The following TMEM108 variants were observed in gnomAD, a reference collection of about 807,000 sequenced individuals.
The protein encoded by TMEM108 is cancer/testis antigen 124.
In TMEM108, 12 loss-of-function variants were observed where a neutral mutation model predicts 35.1. The observed-to-expected ratio is 0.34, with a 90% CI of 0.22 to 0.55. TMEM108 has a LOEUF of 0.55. Among genes scored for constraint, TMEM108 ranks in the 20% least tolerant of loss-of-function variants. The pLI is 0.89. For synonymous variants in TMEM108, 287 were observed against 308.6 expected, an observed-to-expected ratio of 0.93 and a Z score of 0.73; for missense variants, 680 against 753.3, an observed-to-expected ratio of 0.90 and a Z score of 1.14.
intron 3 of TMEM108, among the ~76,000 whole-genome samples, chr3:133,233,310 A>G (rs34609247): frequency 0.016 from 2,382 of 152,186 alleles, 29 homozygotes; most frequent in Non-Finnish European, 0.027. Context: ...TGTTCTTGCA[A>G]TAGTTTACTG....
At chr3:133,056,117 T>C (rs1233101729) in intron 2 of TMEM108, among the ~76,000 whole-genome samples, 2 of 152,178 alleles carry the variant, frequency 1.3e-5, no homozygotes, top group Non-Finnish European at 2.9e-5. Flanking sequence ...AATTCTTATA[T>C]CTTTATTTTA....
chr3:133,307,342 A>G (rs2071056139), intron 3 of TMEM108, among the ~76,000 whole-genome samples: 1 of 152,096 alleles, frequency 6.6e-6, no homozygotes, highest in East Asian at 1.9e-4. Context: ...CTCTGATGGT[A>G]GTTTCTTTGC....
intron 2 of TMEM108, among the ~76,000 whole-genome samples, chr3:133,073,535 TCACATTTTCTTTATCC>T (rs1943704683): frequency 7.2e-6 from 1 of 138,834 alleles, no homozygotes; most frequent in African/African-American, 2.7e-5. Flanking sequence ...TATATATATA[TCACATTTTCTTTATCC>T]ATTTATCTGT....
intron 2 of TMEM108, among the ~76,000 whole-genome samples, chr3:133,179,059 T>G (rs1362326820): frequency 1.3e-5 from 2 of 152,116 alleles, no homozygotes; most frequent in Middle Eastern, 3.2e-3. Flanking sequence ...GAAAAAATGC[T>G]CATCATCACT....
chr3:133,090,188 T>C (rs1943931228), intron 2 of TMEM108, among the ~76,000 whole-genome samples: 1 of 152,208 alleles, frequency 6.6e-6, no homozygotes, highest in Admixed American at 6.5e-5. Flanking sequence ...ATGTAGATTG[T>C]CACTGTAGGA....
chr3:133,244,722 G>A (rs1169338789), intron 3 of TMEM108, among the ~76,000 whole-genome samples: 1 of 152,186 alleles, frequency 6.6e-6, no homozygotes, highest in Non-Finnish European at 1.5e-5. Context: ...ATTTCCCGAA[G>A]TTCAAGGAAT....
chr3:133,207,019 G>T (rs1436019835), intron 2 of TMEM108, among the ~76,000 whole-genome samples: 1 of 152,200 alleles, frequency 6.6e-6, no homozygotes, highest in African/African-American at 2.4e-5. Context: ...AGGAATCTAG[G>T]GAGGCAGTCT....
chr3:133,387,685 G>A, intron 4 of TMEM108: 1 of 639,932 alleles, frequency 1.6e-6, no homozygotes, highest in South Asian at 6.9e-5. Flanking sequence ...ATTTGTTTCA[G>A]CACCTACTGT....
At chr3:133,373,155 C>T (rs2072726709) in intron 3 of TMEM108, among the ~76,000 whole-genome samples, 1 of 151,892 alleles carries the variant, frequency 6.6e-6, no homozygotes, top group African/African-American at 2.4e-5. Flanking sequence ...TTGCTTGAAC[C>T]CAGGAGGTGG....
chr3:133,070,445 A>C (rs567281846), intron 2 of TMEM108, among the ~76,000 whole-genome samples: 2 of 152,306 alleles, frequency 1.3e-5, no homozygotes, highest in East Asian at 3.9e-4. Context: ...ACTTGTGGGC[A>C]GTGAGCTAAA....
chr3:133,278,026 C>A (rs1946862338), intron 3 of TMEM108, among the ~76,000 whole-genome samples: 1 of 152,180 alleles, frequency 6.6e-6, no homozygotes. Context: ...TCACTTTGAA[C>A]AAAACTACGG....
At chr3:133,255,725 A>T (rs1946536538) in intron 3 of TMEM108, among the ~76,000 whole-genome samples, 1 of 152,230 alleles carries the variant, frequency 6.6e-6, no homozygotes, top group Non-Finnish European at 1.5e-5. Context: ...GTGGTGGCTC[A>T]CGCCTGTAAT....
chr3:133,185,784 C>CTTTTCTTTTTTTTTTT (rs1441056931), intron 2 of TMEM108, among the ~76,000 whole-genome samples: 2 of 127,094 alleles, frequency 1.6e-5, no homozygotes, highest in African/African-American at 2.9e-5. Context: ...CTTTTCTTTT[C>CTTTTCTTTTTTTTTTT]TTTTTTTTTT....
chr3:133,095,835 G>T (rs570135830), intron 2 of TMEM108, among the ~76,000 whole-genome samples: 2 of 152,258 alleles, frequency 1.3e-5, no homozygotes, highest in East Asian at 3.9e-4. Flanking sequence ...CTACTGTGTG[G>T]CCCAGTTCCT....
At chr3:133,188,216 C>T (rs886489377) in intron 2 of TMEM108, among the ~76,000 whole-genome samples, 9 of 152,142 alleles carry the variant, frequency 5.9e-5, no homozygotes, top group Non-Finnish European at 7.3e-5. Flanking sequence ...TCGAACCAGG[C>T]GCGTCTGCAC....
chr3:133,236,879 G>GTCTGTGA lies in TMEM108; in HGVS notation c.40+7533_40+7539dup, dbSNP rs561056920. Among the ~76,000 whole-genome samples, 1,014 of 152,152 alleles carry GTCTGTGA rather than the reference G, an allele frequency of 6.7e-3. 15 individuals are homozygous for GTCTGTGA. The highest frequency in any genetic ancestry group is 0.023 in the African/African-American group (957 of 41,510). Reference sequence around the variant, plus strand: ...TTCTCATCTCAGATGTCCTCCTGTGGTCTGTGATCTGAAGTTCTCATGTAT... The same window carrying GTCTGTGA: ...TTCTCATCTCAGATGTCCTCCTGTGGTCTGTGATCTGTGATCTGAAGTTCTCATGTAT... On this transcript the variant is annotated intron_variant, in intron 3 of 5. Coordinates refer to ENST00000321871, the MANE Select transcript of TMEM108 (RefSeq NM_023943.4).
intron 2 of TMEM108, among the ~76,000 whole-genome samples, chr3:133,204,432 G>A (rs934916766): frequency 5.3e-5 from 8 of 152,186 alleles, no homozygotes; most frequent in Non-Finnish European, 2.9e-5. Flanking sequence ...TCTCCTGTGG[G>A]CATTTAATGC....
intron 3 of TMEM108, among the ~76,000 whole-genome samples, chr3:133,260,558 A>G (rs1231087345): frequency 3.9e-5 from 6 of 152,230 alleles, no homozygotes; most frequent in African/African-American, 1.2e-4. Flanking sequence ...TGGTCAGAGC[A>G]TAGTGGTGAG....
intron 3 of TMEM108, among the ~76,000 whole-genome samples, chr3:133,341,416 A>C (rs1448594021): frequency 6.6e-6 from 1 of 151,882 alleles, no homozygotes; most frequent in Non-Finnish European, 1.5e-5. Flanking sequence ...ATGGAAAGAT[A>C]TACCGTGTCT....
Sources: gnomAD v4.1 joint callset for allele counts (sites outside exome capture counted in the v4.1 genomes callset) on GRCh38, gnomAD v4.1.1 for gene constraint, MANE v1.5 for transcripts, NCBI Gene and HGNC (gene_info 2026-07-23, HGNC 2026-07-21) for gene names.